POP5: variants seen among roughly 807,000 people sequenced by gnomAD.
POP5 encodes POP5 ribonuclease P/MRP subunit.
In POP5, 18 loss-of-function variants were observed where a neutral mutation model predicts 20.7. The ratio of observed to expected loss-of-function variants is 0.87; its 90% CI spans 0.60 to 1.29. POP5 has a LOEUF of 1.29. Among genes scored for constraint, POP5 ranks in the 50% most tolerant of loss-of-function variants. POP5 has a pLI of 0.00. For missense variants in POP5, 200 were observed against 203.2 expected, an observed-to-expected ratio of 0.98 and a Z score of 0.10; for synonymous variants, 91 against 78.0, an observed-to-expected ratio of 1.17 and a Z score of -0.88.
chr12:120,580,982 G>T, intron 2 of POP5, 133 bp downstream of exon 2: 1 of 1,386,204 alleles, frequency 7.2e-7, no homozygotes, highest in Non-Finnish European at 9.7e-7. Flanking sequence ...GGTCCCAGGC[G>T]CTTAAAGAGA....
intron 3 of POP5, 43 bp from the exon 4 acceptor site, chr12:120,579,640 C>G (rs373663945): frequency 4.4e-6 from 7 of 1,573,098 alleles, no homozygotes; most frequent in Non-Finnish European, 5.2e-6. Flanking sequence ...TGAAAGATCT[C>G]GACCTTACAG....
rs1877853105 is a variant in POP5, at chr12:120,581,277, G to A, written c.21-20C>T. 4 of 1,614,228 alleles carry A rather than the reference G, an allele frequency of 2.5e-6. No homozygotes were observed. Among genetic ancestry groups the A allele is most frequent in the South Asian group, 1.1e-5 (1 of 91,088 alleles). On this transcript the variant is annotated intron_variant, in intron 1 of 4. Coordinates refer to ENST00000357500, the MANE Select transcript of POP5 (RefSeq NM_015918.4). ...AGGTACCTGCGGCAGGCGAGAGGAA[G>A]GTGGACACTAGCGGGGCCGCGAGGA... is the stretch of plus-strand genomic sequence containing the variant.
At chr12:120,580,253 A>G (rs547612257) in intron 2 of POP5, 1 of 239,838 alleles carries the variant, frequency 4.2e-6, no homozygotes, top group Non-Finnish European at 8.2e-6. Flanking sequence ...AAAAAGGAAA[A>G]CTTTGGAGTA....
chr12:120,579,319 C>T lies in POP5; in HGVS notation c.491G>A (p.Ter164=). The T allele has an allele frequency of 6.2e-7, 1 of 1,613,182 alleles. No homozygotes were observed. Among genetic ancestry groups the T allele is most frequent in the Non-Finnish European group, 8.5e-7 (1 of 1,179,182 alleles). The part of the protein sequence containing the change: ...SGEEAAEAME[*] The stretch of plus-strand genomic sequence containing the variant: ...GCCAGCTGTGTGGGGAGCAGAGGTT[C>T]ACTCCATTGCTTCTGCAGCCTCCTC... The change falls in exon 5 of 5, where the codon TGA becomes TAA. Residue 164 remains the stop codon, a stop_retained_variant. Transcript: ENST00000357500.
At position 120,581,101 on chromosome 12, in the gene POP5, C is replaced by T. The variant is rs1203520887; in HGVS notation, c.163+14G>A. 1 of 1,607,528 alleles carries T rather than the reference C, an allele frequency of 6.2e-7. No homozygotes were observed. The highest frequency in any genetic ancestry group is 2.2e-5 in the East Asian group (1 of 44,896). ...ATCCTCCCGGGTTCCCCTCTTCCCC[C>T]AGCGCCCTTGCACCCGCGAAGCCGA... On this transcript the variant is annotated intron_variant, in intron 2 of 4. Transcript: ENST00000357500.
At chr12:120,580,092 A>G (rs576778701) in intron 2 of POP5, 169 bp from the exon 3 acceptor site, 1 of 583,394 alleles carries the variant, frequency 1.7e-6, no homozygotes, top group South Asian at 2.0e-5. Context: ...AAATACAAAA[A>G]TTAGCTGGGT....
At position 120,579,405 on chromosome 12, in the gene POP5, C is replaced by G. The variant is rs1207546138; in HGVS notation, c.405G>C (p.Arg135=). 1.4e-5 allele frequency: 23 copies of G among 1,613,564 alleles called. No individual in the cohort carries two copies. The highest frequency in any genetic ancestry group is 1.9e-5 in the Non-Finnish European group (22 of 1,179,600). Reference sequence around the variant, plus strand: ...TTGTCACAGACTTCTGGATAGCTTCCCGCTCTCCTGGAGAAGGCAGATAAC... The same window carrying G: ...TTGTCACAGACTTCTGGATAGCTTCGCGCTCTCCTGGAGAAGGCAGATAAC... ...LLQNCTDEGE[R]EAIQKSVTRS... Residue 135 remains arginine (R), a synonymous_variant, in exon 5 of 5, where the codon CGG becomes CGC. Coordinates refer to ENST00000357500, the MANE Select transcript of POP5 (RefSeq NM_015918.4).
At chr12:120,580,963 C>T in intron 2 of POP5, 152 bp downstream of exon 2, 1 of 1,272,918 alleles carries the variant, frequency 7.9e-7, no homozygotes, top group South Asian at 1.5e-5. Context: ...ATTTCGGACT[C>T]TCGCTTGGGG....
At position 120,581,211 on chromosome 12, in the gene POP5, T is replaced by G; in HGVS notation, c.67A>C (p.Ser23Arg). ...CTGCTCAGAACTCGGTCATCGAGGC[T>G]TAGGCGGCAGCGGGGGTCGTCAGAC... Reference protein sequence around the residue: ...LVSDDPRCRLSLDDRVLSSLV... With the variant: ...LVSDDPRCRLRLDDRVLSSLV... The change falls in exon 2 of 5, where the codon AGC (serine) becomes CGC (arginine). Residue 23 changes from serine to arginine, a missense_variant. By Grantham distance (110) the Ser-to-Arg change is moderately radical (BLOSUM62 -1). Transcript: ENST00000357500. 1 of 1,614,148 alleles carries G rather than the reference T, an allele frequency of 6.2e-7. No homozygotes were observed. The highest frequency in any genetic ancestry group is 8.5e-7 in the Non-Finnish European group (1 of 1,180,040).
chr12:120,579,249 C>G lies in POP5; in HGVS notation c.*69G>C. The G allele has an allele frequency of 1.5e-6, 2 of 1,369,984 alleles. No individual in the cohort carries two copies. Among genetic ancestry groups the G allele is most frequent in the Non-Finnish European group, 2.1e-6 (2 of 959,524 alleles). The allele number at this position is 1,369,984 out of a possible 1,614,324, so 84.9% of individuals were successfully genotyped here. On this transcript the variant is annotated 3_prime_UTR_variant, in exon 5 of 5. Transcript: ENST00000357500. Reference sequence around the variant, plus strand: ...AACTGTGGAAGATGCTGTTGCTACCCAGATTGTTCTGTTCAACAAGTGGGC... The same window carrying G: ...AACTGTGGAAGATGCTGTTGCTACCGAGATTGTTCTGTTCAACAAGTGGGC...
rs761956290 is a variant in POP5, at chr12:120,579,856, C to G, written c.231G>C (p.Val77=). The G allele has an allele frequency of 6.2e-7, 1 of 1,609,176 alleles. No homozygotes were observed. Among genetic ancestry groups the G allele is most frequent in the African/African-American group, 1.3e-5 (1 of 74,812 alleles). The change falls in exon 3 of 5, where the codon GTG becomes GTC. Residue 77 remains valine, a synonymous_variant. Transcript: ENST00000357500. ...LRCRKEFYQL[V]WSALPFITYL... ...ATGTGATGAAGGGAAGAGCTGACCA[C>G]ACAAGCTGATAGAATTCTTTTCTGC...
chr12:120,579,426 A>G lies in POP5; in HGVS notation c.398-14T>C, dbSNP rs766708648. 4.3e-6 allele frequency: 7 copies of G among 1,611,258 alleles called. No homozygotes were observed. In the South Asian group the frequency reaches 5.5e-5, roughly 13 times the overall value. On this transcript the variant is annotated splice_polypyrimidine_tract_variant and intron_variant, in intron 4 of 4. Coordinates refer to ENST00000357500, the MANE Select transcript of POP5 (RefSeq NM_015918.4). ...CTTCCCGCTCTCCTGGAGAAGGCAG[A>G]TAACAGGGATGAAAGATATCTTTGG...
intron 2 of POP5, among the ~76,000 whole-genome samples, chr12:120,580,390 A>G (rs1877801119): frequency 6.6e-6 from 1 of 152,208 alleles, no homozygotes; most frequent in African/African-American, 2.4e-5. Flanking sequence ...ATGAATTTAG[A>G]ATTGAAAATG....
At chr12:120,579,436 T>A (rs541098610) in intron 4 of POP5, 24 bp from the exon 5 acceptor site, 1 of 1,610,128 alleles carries the variant, frequency 6.2e-7, no homozygotes, top group Admixed American at 1.7e-5. Flanking sequence ...ATAACAGGGA[T>A]GAAAGATATC....
Position 120,579,337 on chromosome 12 carries a change from GCCT to G in POP5, c.470_472del (p.Glu157del), listed in dbSNP as rs1877722439. On this transcript the variant is annotated inframe_deletion, in exon 5 of 5. Transcript: ENST00000357500. ...AGAGGTTCACTCCATTGCTTCTGCA[GCCT>G]CCTCACCTGACTCCTCCTCCTCCTC... The G allele has an allele frequency of 2.5e-6, 4 of 1,614,136 alleles. No homozygotes were observed. The East Asian group carries it at 8.9e-5, about 36-fold the overall frequency.
In POP5 at chr12:120,579,418, G is replaced by A; in HGVS notation, c.398-6C>T. The A allele has an allele frequency of 1.2e-6, 2 of 1,612,504 alleles. No homozygotes were observed. Among genetic ancestry groups the A allele is most frequent in the Non-Finnish European group, 1.7e-6 (2 of 1,178,458 alleles). On this transcript the variant is annotated splice_polypyrimidine_tract_variant and splice_region_variant and intron_variant, in intron 4 of 4. Transcript: ENST00000357500. ...CTGGATAGCTTCCCGCTCTCCTGGA[G>A]AAGGCAGATAACAGGGATGAAAGAT... is the stretch of plus-strand genomic sequence containing the variant.
intron 1 of POP5, 24 bp downstream of exon 1, chr12:120,581,319 G>T (rs745962978): frequency 6.2e-7 from 1 of 1,614,146 alleles, no homozygotes; most frequent in Non-Finnish European, 8.5e-7. Context: ...AAGGCACTGG[G>T]AGGGTCTGGA....
Position 120,579,405 on chromosome 12 carries a change from C to T in POP5, c.405G>A (p.Arg135=). Residue 135 remains arginine, a synonymous_variant, in exon 5 of 5, where the codon CGG becomes CGA. Transcript: ENST00000357500. ...TTGTCACAGACTTCTGGATAGCTTC[C>T]CGCTCTCCTGGAGAAGGCAGATAAC... is the stretch of plus-strand genomic sequence containing the variant. ...LLQNCTDEGE[R]EAIQKSVTRS... 6.2e-7 allele frequency: 1 copy of T among 1,613,682 alleles called. No individual in the cohort carries two copies. The highest frequency in any genetic ancestry group is 8.5e-7 in the Non-Finnish European group (1 of 1,179,592).
chr12:120,579,592 T>C lies in POP5; in HGVS notation c.319A>G (p.Ile107Val), dbSNP rs758148350. 3.0e-5 allele frequency: 48 copies of C among 1,612,972 alleles called. No individual in the cohort carries two copies. In the Admixed American group the frequency reaches 7.2e-4, roughly 24 times the overall value. ...FFNTLHVGGT[I>V]RTCQKFLIQY... ...ATTAGGAACTTCTGACATGTTCTTA[T>C]TGTACCTGGCATATGAGTTACTGTG... The change falls in exon 4 of 5, where the codon ATA becomes GTA. Residue 107 changes from isoleucine (I) to valine (V), a missense_variant. Coordinates refer to ENST00000357500, the MANE Select transcript of POP5 (RefSeq NM_015918.4).
Sources: gnomAD v4.1 joint callset for allele counts (sites outside exome capture counted in the v4.1 genomes callset) on GRCh38, gnomAD v4.1.1 for gene constraint, MANE v1.5 for transcripts, NCBI Gene and HGNC (gene_info 2026-07-23, HGNC 2026-07-21) for gene names.